The following FOXN3 variants were observed in gnomAD, a reference collection of about 807,000 sequenced individuals.
FOXN3 encodes forkhead box protein N3.
In FOXN3, 7 loss-of-function variants were observed where a neutral mutation model predicts 38.4. The ratio of observed to expected loss-of-function variants is 0.18; its 90% CI spans 0.10 to 0.34. FOXN3 has a LOEUF of 0.34. FOXN3 is among the 10% of genes least tolerant of loss of function. The probability of loss-of-function intolerance (pLI) is 1.00; values close to 1 mark genes in which losing one functional copy is unlikely to be tolerated. For missense variants in FOXN3, 456 were observed against 613.4 expected, an observed-to-expected ratio of 0.74 and a Z score of 2.71; for synonymous variants, 230 against 242.2, an observed-to-expected ratio of 0.95 and a Z score of 0.47.
chr14:89,272,216 G>A (rs1052965047), intron 4 of FOXN3, among the ~76,000 whole-genome samples: 1 of 152,194 alleles, frequency 6.6e-6, no homozygotes, highest in Non-Finnish European at 1.5e-5. Context: ...GGGAGGCTGA[G>A]GCAGGAGAAT....
At chr14:89,300,023 A>G (rs921502454) in intron 3 of FOXN3, among the ~76,000 whole-genome samples, 3 of 152,202 alleles carry the variant, frequency 2.0e-5, no homozygotes, top group Non-Finnish European at 2.9e-5. Flanking sequence ...GGTGGTGACC[A>G]ACAACTACAC....
At chr14:89,474,819 T>C (rs1893177342) in intron 1 of FOXN3, among the ~76,000 whole-genome samples, 1 of 152,072 alleles carries the variant, frequency 6.6e-6, no homozygotes, top group African/African-American at 2.4e-5. Flanking sequence ...TTATTTATTA[T>C]TATTATTTTT....
At chr14:89,425,947 A>G (rs542705051) in intron 1 of FOXN3, among the ~76,000 whole-genome samples, 2 of 152,192 alleles carry the variant, frequency 1.3e-5, no homozygotes, top group Non-Finnish European at 2.9e-5. Flanking sequence ...ACGCTTATCT[A>G]ATACACATTT....
chr14:89,181,120 A>G (rs181438850), intron 4 of FOXN3, among the ~76,000 whole-genome samples: 2 of 152,296 alleles, frequency 1.3e-5, no homozygotes, highest in Admixed American at 1.3e-4. Flanking sequence ...AAAGATACCC[A>G]GAGAGTAAGA....
intron 4 of FOXN3, among the ~76,000 whole-genome samples, chr14:89,251,377 T>C (rs571342658): frequency 1.3e-5 from 2 of 152,370 alleles, no homozygotes; most frequent in East Asian, 1.9e-4. Context: ...ATTCTGGTGC[T>C]TGGGCCTCCA....
rs1424981456 is a variant in FOXN3, at chr14:89,363,990, T to TA, written c.544-13183dup. ...TATATATATATATATATATATATAA[T>TA]ATATATATATATTCTTCCATATCAA... On this transcript the variant is annotated intron_variant, in intron 2 of 5. Transcript: ENST00000557258. Among the ~76,000 whole-genome samples the TA allele has an allele frequency of 1.0e-3, 80 of 76,796 alleles. 1 individual carries two copies. The highest frequency in any genetic ancestry group is 4.9e-3 in the African/African-American group (79 of 16,266). 50.4% of individuals were successfully genotyped at this position (76,796 alleles called of 152,430 possible). A position where few individuals can be genotyped will look rare whatever the true frequency, so the allele number is the denominator to read the frequency against.
intron 4 of FOXN3, among the ~76,000 whole-genome samples, chr14:89,269,009 C>A (rs1185017327): frequency 6.6e-6 from 1 of 152,228 alleles, no homozygotes; most frequent in Admixed American, 6.5e-5. Flanking sequence ...GATCAGCACA[C>A]AATCGACCTT....
intron 4 of FOXN3, among the ~76,000 whole-genome samples, chr14:89,258,838 G>A (rs1885708421): frequency 6.6e-6 from 1 of 152,120 alleles, no homozygotes; most frequent in Admixed American, 6.5e-5. Flanking sequence ...TCCTCTTTTG[G>A]GGTCCTATCA....
At chr14:89,274,891 T>C (rs1886255800) in intron 4 of FOXN3, among the ~76,000 whole-genome samples, 1 of 152,196 alleles carries the variant, frequency 6.6e-6, no homozygotes, top group South Asian at 2.1e-4. Flanking sequence ...CCCAAACAGA[T>C]GGGCAAGAGG....
At chr14:89,611,195 A>C (rs950822933) in intron 1 of FOXN3, among the ~76,000 whole-genome samples, 2 of 152,202 alleles carry the variant, frequency 1.3e-5, no homozygotes, top group Non-Finnish European at 2.9e-5. Flanking sequence ...TATATGACTT[A>C]GGGGTACAGG....
chr14:89,249,163 C>A (rs1436844456), intron 4 of FOXN3, among the ~76,000 whole-genome samples: 1 of 152,214 alleles, frequency 6.6e-6, no homozygotes, highest in African/African-American at 2.4e-5. Context: ...AACAGATACA[C>A]TGTACTCACT....
chr14:89,489,541 T>A lies in FOXN3; in HGVS notation c.-14-77051A>T, dbSNP rs937943150. Among the ~76,000 whole-genome samples the A allele has an allele frequency of 5.3e-5, 8 of 152,342 alleles. No homozygotes were observed. In the East Asian group the frequency reaches 1.3e-3, roughly 26 times the overall value. On this transcript the variant is annotated intron_variant, in intron 1 of 6. Coordinates refer to the FOXN3 transcript ENST00000345097. ...TTGTAATTAAAAAATTTTTTTATAT[T>A]CCTCTAACCACAATAGAGCATCTAG...
chr14:89,358,920 G>T (rs1206901950), intron 2 of FOXN3, among the ~76,000 whole-genome samples: 1 of 152,144 alleles, frequency 6.6e-6, no homozygotes, highest in African/African-American at 2.4e-5. Flanking sequence ...CCATAAAATG[G>T]GAGTGAATTA....
chr14:89,373,381 T>C (rs1334133981), intron 2 of FOXN3, among the ~76,000 whole-genome samples: 1 of 145,066 alleles, frequency 6.9e-6, no homozygotes, highest in African/African-American at 2.6e-5. Context: ...GGCCTGTTGC[T>C]ACAGGTCCTG....
chr14:89,540,932 A>G (rs548155953), intron 1 of FOXN3, among the ~76,000 whole-genome samples: 13 of 152,122 alleles, frequency 8.5e-5, no homozygotes, highest in African/African-American at 1.7e-4. Flanking sequence ...GAAATGTCTA[A>G]TAAGTGTTTG....
chr14:89,307,133 T>A (rs1269029806), intron 3 of FOXN3, among the ~76,000 whole-genome samples: 6 of 152,140 alleles, frequency 3.9e-5, no homozygotes. Flanking sequence ...TTGCTCTGAG[T>A]GTGTGTGTTA....
At chr14:89,170,309 C>A (rs1185580554) in intron 5 of FOXN3, among the ~76,000 whole-genome samples, 1 of 152,172 alleles carries the variant, frequency 6.6e-6, no homozygotes, top group African/African-American at 2.4e-5. Context: ...ATTGATCAAG[C>A]TGACACGCAC....
chr14:89,467,801 TTTG>T (rs1893005706), intron 1 of FOXN3, among the ~76,000 whole-genome samples: 36 of 91,326 alleles, frequency 3.9e-4, no homozygotes, highest in African/African-American at 1.3e-3. Context: ...CTTTTCTTTC[TTTG>T]TTTTTTTTTT....
At chr14:89,521,126 G>A (rs190083254) in intron 1 of FOXN3, among the ~76,000 whole-genome samples, 1 of 152,014 alleles carries the variant, frequency 6.6e-6, no homozygotes, top group East Asian at 1.9e-4. Flanking sequence ...CCTGGCCAAC[G>A]TGGTGAAACC....
Sources: gnomAD v4.1 joint callset for allele counts (sites outside exome capture counted in the v4.1 genomes callset) on GRCh38, gnomAD v4.1.1 for gene constraint, MANE v1.5 for transcripts, NCBI Gene and HGNC (gene_info 2026-07-23, HGNC 2026-07-21) for gene names.